Variants in TBPL2 observed in about 807,000 individuals in gnomAD.
TBPL2 encodes TATA-box binding protein like 2.
A neutral mutation model predicts 38.2 loss-of-function variants in TBPL2; 40 were observed. The ratio of observed to expected loss-of-function variants is 1.05; its 90% CI spans 0.81 to 1.36. TBPL2 has a LOEUF of 1.36. Ranked by LOEUF, TBPL2 falls within the 40% of genes most tolerant of loss-of-function variation. TBPL2 has a pLI of 0.00. For missense variants in TBPL2, 461 were observed against 456.7 expected, an observed-to-expected ratio of 1.01 and a Z score of -0.09; for synonymous variants, 169 against 171.7, an observed-to-expected ratio of 0.98 and a Z score of 0.12.
In TBPL2 at chr14:55,436,379, G is replaced by A. The variant is rs557155364; in HGVS notation, c.608+182C>T. ...CGCCCACCTTAGAGGTCAAGAATTA[G>A]TGCTTTGCCTTACAGATAATCAAAC... On this transcript the variant is annotated intron_variant, in intron 2 of 6. Transcript: ENST00000247219. Among the ~76,000 whole-genome samples the A allele has an allele frequency of 1.1e-4, 17 of 152,296 alleles. No individual in the cohort carries two copies. In the South Asian group the frequency reaches 1.7e-3, roughly 15 times the overall value.
exon 2 of TBPL2, chr14:55,436,833 G>T: frequency 6.2e-7 from 1 of 1,614,230 alleles, no homozygotes; most frequent in Non-Finnish European, 8.5e-7. Context: ...TGACAGGCTG[G>T]TCTTTATTTT....
chr14:55,439,439 G>A (rs1426365834), intron 1 of TBPL2, among the ~76,000 whole-genome samples: 3 of 152,012 alleles, frequency 2.0e-5, no homozygotes, highest in Non-Finnish European at 4.4e-5. Flanking sequence ...GCAGAAACCC[G>A]TGGGAACCTG....
intron 6 of TBPL2, among the ~76,000 whole-genome samples, chr14:55,415,263 G>A (rs909488409): frequency 7.9e-5 from 12 of 152,104 alleles, no homozygotes; most frequent in African/African-American, 2.4e-4. Flanking sequence ...GAAGAAAGGA[G>A]GATAATGAAA....
chr14:55,439,930 CAAAA>C (rs71131272), intron 1 of TBPL2, among the ~76,000 whole-genome samples: 24 of 39,176 alleles, frequency 6.1e-4, no homozygotes, highest in Admixed American at 1.2e-3. Flanking sequence ...GACTCTGTCT[CAAAA>C]AAAAAAAAAA....
chr14:55,429,766 C>CAAAAAAAAAAAAAAAA, intron 4 of TBPL2, among the ~76,000 whole-genome samples: 1 of 52,394 alleles, frequency 1.9e-5, no homozygotes, highest in Non-Finnish European at 3.2e-5. Flanking sequence ...AACTCCGTCT[C>CAAAAAAAAAAAAAAAA]AAAAAAAAAA....
intron 6 of TBPL2, 151 bp downstream of exon 6, chr14:55,424,008 G>A: frequency 1.8e-6 from 1 of 571,106 alleles, no homozygotes; most frequent in Non-Finnish European, 3.1e-6. Flanking sequence ...TGGGACCTAT[G>A]GGTGATGTTA....
chr14:55,426,994 TGTAGACACAACC>T (rs1311459577), intron 5 of TBPL2, among the ~76,000 whole-genome samples: 1 of 152,228 alleles, frequency 6.6e-6, no homozygotes, highest in African/African-American at 2.4e-5. Context: ...CTAAGTCTAA[TGTAGACACAACC>T]TTAGAGTTCG....
At chr14:55,420,922 A>T (rs943652350) in intron 6 of TBPL2, among the ~76,000 whole-genome samples, 1 of 151,958 alleles carries the variant, frequency 6.6e-6, no homozygotes, top group Non-Finnish European at 1.5e-5. Context: ...TTAGCTGGGC[A>T]TAGTGGCAGG....
intron 4 of TBPL2, among the ~76,000 whole-genome samples, chr14:55,432,653 A>G (rs1216791070): frequency 2.6e-5 from 4 of 152,198 alleles, no homozygotes; most frequent in Non-Finnish European, 5.9e-5. Flanking sequence ...CTTTTTGTCA[A>G]TCAATTTAGC....
Position 55,437,076 on chromosome 14 carries a change from C to T in TBPL2, c.151-58G>A, listed in dbSNP as rs559199299. 6.1e-6 allele frequency: 9 copies of T among 1,469,296 alleles called. No homozygotes were observed. In the South Asian group the frequency reaches 1.0e-4, roughly 17 times the overall value. The allele number at this position is 1,469,296 out of a possible 1,614,324, so 91.0% of individuals were successfully genotyped here. ...ACAACAGACAGAACAGCATGTTACA[C>T]AAAAGGGATGTCACTATGGCAGGCA... On this transcript the variant is annotated intron_variant, in intron 1 of 6. Transcript: ENST00000247219.
chr14:55,440,098 A>AAATC (rs373713383), intron 1 of TBPL2, among the ~76,000 whole-genome samples: 3,519 of 151,340 alleles, frequency 0.023, 120 homozygotes, highest in African/African-American at 0.074. Context: ...TCTCAGAGAA[A>AAATC]AATCAATCAA....
chr14:55,428,566 G>A (rs755540535), intron 5 of TBPL2, among the ~76,000 whole-genome samples: 3 of 152,122 alleles, frequency 2.0e-5, no homozygotes, highest in Non-Finnish European at 2.9e-5. Context: ...CCAGAGATGT[G>A]TGCTTTAATA....
At chr14:55,439,431 A>G (rs1886069469) in intron 1 of TBPL2, among the ~76,000 whole-genome samples, 1 of 152,098 alleles carries the variant, frequency 6.6e-6, no homozygotes, top group Non-Finnish European at 1.5e-5. Context: ...CTGTCAAAGC[A>G]GAAACCCGTG....
chr14:55,420,513 G>A (rs1360225030), intron 6 of TBPL2, among the ~76,000 whole-genome samples: 8 of 125,066 alleles, frequency 6.4e-5, no homozygotes, highest in Admixed American at 6.0e-4. Flanking sequence ...GCCAAGAGAT[G>A]ATAATTATTT....
chr14:55,439,930 CAAAAA>C (rs71131272), intron 1 of TBPL2, among the ~76,000 whole-genome samples: 3 of 39,178 alleles, frequency 7.7e-5, no homozygotes, highest in African/African-American at 1.1e-4. Flanking sequence ...GACTCTGTCT[CAAAAA>C]AAAAAAAAAA....
chr14:55,433,553 G>T, intron 4 of TBPL2, 77 bp downstream of exon 4: 1 of 1,377,398 alleles, frequency 7.3e-7, no homozygotes, highest in Non-Finnish European at 1.0e-6. Context: ...ATGTGCTTTA[G>T]CACATTAATT....
intron 1 of TBPL2, among the ~76,000 whole-genome samples, chr14:55,437,506 A>G (rs948722949): frequency 2.6e-4 from 39 of 152,200 alleles, no homozygotes; most frequent in African/African-American, 9.4e-4. Flanking sequence ...GTTACAGCAC[A>G]CTTAATGGAA....
exon 4 of TBPL2, chr14:55,433,697 T>C: frequency 6.2e-7 from 1 of 1,614,016 alleles, no homozygotes; most frequent in East Asian, 2.2e-5. Context: ...GGCTCTCGGA[T>C]CCTCATTATG....
chr14:55,432,245 C>CAA lies in TBPL2; in HGVS notation c.788+1383_788+1384dup, dbSNP rs71131268. Among the ~76,000 whole-genome samples the CAA allele has an allele frequency of 8.3e-3, 1,008 of 121,950 alleles. 14 individuals carry two copies. The highest frequency in any genetic ancestry group is 0.021 in the Middle Eastern group (5 of 236). The allele number at this position is 121,950 out of a possible 152,430, so 80.0% of individuals were successfully genotyped here. A position where few individuals can be genotyped will look rare whatever the true frequency, so the allele number is the denominator to read the frequency against. ...CAATATGGGGAAACCCCCGTCTCTA[C>CAA]AAAAAAAAAAAAAAAAAATTAGCCA... On this transcript the variant is annotated intron_variant, in intron 4 of 6. Coordinates refer to ENST00000247219, the Ensembl canonical transcript of TBPL2.
Sources: gnomAD v4.1 joint callset for allele counts (sites outside exome capture counted in the v4.1 genomes callset) on GRCh38, gnomAD v4.1.1 for gene constraint, MANE v1.5 for transcripts, NCBI Gene and HGNC (gene_info 2026-07-23, HGNC 2026-07-21) for gene names.